The following CCAR1 variants were observed in gnomAD, a reference collection of about 807,000 sequenced individuals.
CCAR1 encodes the protein cell division cycle and apoptosis regulator 1.
CCAR1 carries 78 observed loss-of-function variants against 163.8 expected under a neutral mutation model. That is an observed-to-expected ratio of 0.48 (90% CI 0.40 to 0.57). The LOEUF (loss-of-function observed/expected upper bound fraction) is 0.57. Among genes scored for constraint, CCAR1 ranks in the 20% least tolerant of loss-of-function variants. The pLI is 0.00. For missense variants in CCAR1, 1,019 were observed against 1,365.2 expected, an observed-to-expected ratio of 0.75 and a Z score of 4.00; for synonymous variants, 443 against 460.7, an observed-to-expected ratio of 0.96 and a Z score of 0.49.
chr10:68,781,074 A>G (rs1183660465), intron 19 of CCAR1, among the ~76,000 whole-genome samples: 6 of 152,014 alleles, frequency 3.9e-5, no homozygotes, highest in South Asian at 2.1e-4. Context: ...TCTACTAAAA[A>G]TACACAAAAT....
At position 68,791,707 on chromosome 10, in the gene CCAR1, G is replaced by T. The variant is rs2133445918; in HGVS notation, c.*441G>T. The T allele has an allele frequency of 6.5e-6, 1 of 152,740 alleles. No homozygotes were observed. Among genetic ancestry groups the T allele is most frequent in the Non-Finnish European group, 1.5e-5 (1 of 68,478 alleles). 9.5% of individuals were successfully genotyped at this position (152,740 alleles called of 1,614,324 possible). On this transcript the variant is annotated 3_prime_UTR_variant, in exon 25 of 25. Transcript: ENST00000265872. ...GATGCTTAATTTTTGCAAGTTTTTT[G>T]AAACTTTTTGTTTTTTTTACTCATC... is the stretch of plus-strand genomic sequence containing the variant.
At chr10:68,737,956 T>TA (rs2056133786) in intron 4 of CCAR1, 67 bp downstream of exon 4, 4 of 1,035,924 alleles carry the variant, frequency 3.9e-6, no homozygotes, top group Non-Finnish European at 5.8e-6. Context: ...GTTCAATTGA[T>TA]AGAGAGTTTT....
chr10:68,749,636 C>T lies in CCAR1; in HGVS notation c.1069C>T (p.Arg357Cys), dbSNP rs1408419427. 4 of 1,613,924 alleles carry T rather than the reference C, an allele frequency of 2.5e-6. No homozygotes were observed. Among genetic ancestry groups the T allele is most frequent in the Non-Finnish European group, 3.4e-6 (4 of 1,179,822 alleles). ...ERERSPRRVR[R>C]VVPRYTVQFS... ...AGAGCGATCACCTCGGAGAGTTCGA[C>T]GTGTTGTTCCACGTTACACAGTTCA... The change falls in exon 10 of 25, where the codon CGT becomes TGT. Residue 357 changes from arginine to cysteine, a missense_variant. Coordinates refer to ENST00000265872, the MANE Select transcript of CCAR1 (RefSeq NM_018237.4).
intron 6 of CCAR1, 60 bp from the exon 7 acceptor site, chr10:68,747,101 G>C: frequency 1.2e-6 from 1 of 837,250 alleles, no homozygotes; most frequent in Non-Finnish European, 1.8e-6. Context: ...AATCATTTTG[G>C]GGAGAAATCT....
intron 10 of CCAR1, among the ~76,000 whole-genome samples, chr10:68,753,549 A>G (rs960011504): frequency 2.0e-5 from 3 of 152,216 alleles, no homozygotes; most frequent in Admixed American, 6.5e-5. Flanking sequence ...AACTGAGGAA[A>G]ACCTGCTTTT....
Position 68,773,015 on chromosome 10 carries a change from A to G in CCAR1, c.2566A>G (p.Lys856Glu). 6.7e-7 allele frequency: 1 copy of G among 1,498,338 alleles called. No individual in the cohort carries two copies. Among genetic ancestry groups the G allele is most frequent in the Non-Finnish European group, 9.2e-7 (1 of 1,092,718 alleles). The allele number at this position is 1,498,338 out of a possible 1,614,324, so 92.8% of individuals were successfully genotyped here. Residue 856 changes from lysine (K) to glutamate (E), a missense_variant, in exon 19 of 25, where the codon AAA (lysine) becomes GAA (glutamate). By Grantham distance (56) the Lys-to-Glu change is moderately conservative. Around this residue, in one of 4 missense-constraint regions of CCAR1, gnomAD observed 358 missense variants for 406.4 expected, o/e 0.88. Transcript: ENST00000265872. ...AGAAGATAAAAGAAAAGATGATTCT[A>G]AAGATGATGATGAAACTGAAGAAGA... is the stretch of plus-strand genomic sequence containing the variant. ...KKEDKRKDDS[K>E]DDDETEEDNN...
chr10:68,760,388 T>TC (rs1419184877), intron 15 of CCAR1, among the ~76,000 whole-genome samples: 4 of 152,134 alleles, frequency 2.6e-5, no homozygotes, highest in Non-Finnish European at 4.4e-5. Flanking sequence ...TGGGGTTTTT[T>TC]CCCCCTTCTA....
intron 15 of CCAR1, 111 bp from the exon 16 acceptor site, chr10:68,760,896 C>G (rs899689130): frequency 7.5e-6 from 3 of 399,292 alleles, no homozygotes; most frequent in South Asian, 8.1e-5. Flanking sequence ...AAAAAAAACA[C>G]ACAAAATATA....
chr10:68,736,605 A>C (rs2056114176), intron 2 of CCAR1, among the ~76,000 whole-genome samples: 1 of 152,068 alleles, frequency 6.6e-6, no homozygotes, highest in Admixed American at 6.6e-5. Flanking sequence ...GGCTTATTTC[A>C]CTTAACATAA....
At chr10:68,746,848 G>A (rs2056262608) in intron 6 of CCAR1, among the ~76,000 whole-genome samples, 8 of 152,054 alleles carry the variant, frequency 5.3e-5, no homozygotes, top group Admixed American at 5.2e-4. Flanking sequence ...AAAGTGCTAG[G>A]ATTACAGGCA....
chr10:68,725,607 A>G (rs182643259), intron 2 of CCAR1, among the ~76,000 whole-genome samples: 9 of 152,254 alleles, frequency 5.9e-5, no homozygotes, highest in African/African-American at 1.9e-4. Context: ...AGGGATTTCA[A>G]ATAAGTTTCC....
chr10:68,728,088 T>G (rs1049771061), intron 2 of CCAR1, among the ~76,000 whole-genome samples: 2 of 152,182 alleles, frequency 1.3e-5, no homozygotes, highest in African/African-American at 4.8e-5. Context: ...CCATCCGCCT[T>G]GGCCTCCCAA....
At chr10:68,739,874 A>T (rs563551299) in intron 4 of CCAR1, among the ~76,000 whole-genome samples, 31 of 152,366 alleles carry the variant, frequency 2.0e-4, no homozygotes, top group Non-Finnish European at 3.5e-4. Flanking sequence ...TTACAACCTC[A>T]TACAGATTAT....
chr10:68,779,551 G>A (rs182512663), intron 19 of CCAR1, among the ~76,000 whole-genome samples: 6 of 152,240 alleles, frequency 3.9e-5, no homozygotes, highest in South Asian at 4.1e-4. Flanking sequence ...GAGCCACCAC[G>A]TCCGGCCTAT....
Position 68,773,048 on chromosome 10 carries a change from C to A in CCAR1, c.2599C>A (p.Gln867Lys). The A allele has an allele frequency of 1.3e-6, 2 of 1,567,712 alleles. No individual in the cohort carries two copies. The highest frequency in any genetic ancestry group is 1.7e-6 in the Non-Finnish European group (2 of 1,152,290). Residue 867 changes from glutamine to lysine, a missense_variant, in exon 19 of 25, where the codon CAA becomes AAA. By Grantham distance (53) the Gln-to-Lys change is moderately conservative. This residue lies in a region of CCAR1 where 358 missense variants were observed against 406.4 expected (regional missense o/e 0.88). Transcript: ENST00000265872. ...TGATGAAACTGAAGAAGATAACAATCAAGATGAATATGACCCTATGGAAGC... is the reference window on the plus strand; with the variant it reads ...TGATGAAACTGAAGAAGATAACAATAAAGATGAATATGACCCTATGGAAGC... ...DDDETEEDNN[Q>K]DEYDPMEAEE...
chr10:68,724,954 C>A (rs1465890706), intron 2 of CCAR1, among the ~76,000 whole-genome samples: 1 of 152,024 alleles, frequency 6.6e-6, no homozygotes, highest in Non-Finnish European at 1.5e-5. Context: ...GCCTGACAAA[C>A]ATGGAGAAAC....
chr10:68,773,341 CG>C (rs2056626150), intron 19 of CCAR1, among the ~76,000 whole-genome samples: 1 of 151,888 alleles, frequency 6.6e-6, no homozygotes, highest in African/African-American at 2.4e-5. Flanking sequence ...ACAAATTTCC[CG>C]GAACATGGTG....
In CCAR1 at chr10:68,788,241, G is replaced by A. The variant is rs1338396607; in HGVS notation, c.3100G>A (p.Val1034Ile). The A allele has an allele frequency of 3.7e-6, 6 of 1,602,354 alleles. No individual in the cohort carries two copies. Among genetic ancestry groups the A allele is most frequent in the Admixed American group, 1.8e-5 (1 of 56,826 alleles). The change falls in exon 23 of 25, where the codon GTA (valine) becomes ATA (isoleucine). Residue 1034 changes from valine (V) to isoleucine (I), a missense_variant. This residue lies in a region of CCAR1 where 358 missense variants were observed against 406.4 expected (regional missense o/e 0.88). Transcript: ENST00000265872. ...TGTGTACAATGGTGCAATGGTAGAT[G>A]TAGGAAGCCTCTTGCAAAAATTGGA... ...LIVYNGAMVD[V>I]GSLLQKLEKS...
At position 68,757,886 on chromosome 10, in the gene CCAR1, G is replaced by T. The variant is rs184875126; in HGVS notation, c.1920+509G>T. Among the ~76,000 whole-genome samples the T allele has an allele frequency of 6.3e-3, 938 of 149,616 alleles. 77 individuals are homozygous for T. Among genetic ancestry groups the T allele is most frequent in the Admixed American group, 0.059 (887 of 15,032 alleles). On this transcript the variant is annotated intron_variant, in intron 15 of 24. Coordinates refer to ENST00000265872, the MANE Select transcript of CCAR1 (RefSeq NM_018237.4). Reference sequence around the variant, plus strand: ...ACTTCAAGGGGATGGGACTATAGGCGCCTGCCACCACGCCCGGCTAATTGT... The same window carrying T: ...ACTTCAAGGGGATGGGACTATAGGCTCCTGCCACCACGCCCGGCTAATTGT...
Sources: allele counts gnomAD v4.1 joint callset (sites outside exome capture counted in the v4.1 genomes callset), GRCh38; gene constraint gnomAD v4.1.1; regional missense constraint gnomAD v4.1.1; transcripts MANE v1.5; gene names NCBI Gene and HGNC (gene_info 2026-07-23, HGNC 2026-07-21).